The following CSMD1 variants were observed in gnomAD, a reference collection of about 807,000 sequenced individuals.
The protein encoded by CSMD1 is CUB and Sushi multiple domains 1.
CSMD1 carries 213 observed loss-of-function variants against 417.5 expected under a neutral mutation model. The ratio of observed to expected loss-of-function variants is 0.51; its 90% CI spans 0.46 to 0.57. The LOEUF is 0.57. Among genes scored for constraint, CSMD1 ranks in the 20% least tolerant of loss-of-function variants. CSMD1 has a pLI of 0.00. For synonymous variants in CSMD1, 2,862 were observed against 1,736.8 expected (o/e 1.65, Z -16.11); for missense variants, 6,923 against 4,529.7 (o/e 1.53, Z -15.17).
intron 1 of CSMD1, among the ~76,000 whole-genome samples, chr8:4,813,417 G>C (rs1486808493): frequency 6.6e-6 from 1 of 152,096 alleles, no homozygotes; most frequent in Non-Finnish European, 1.5e-5. Context: ...ATGGAACTCA[G>C]CCTACCAGTC....
rs144417521 is a variant in CSMD1 at position 3,443,499 on chromosome 8, C to T, written c.1561+25213G>A. On this transcript the variant is annotated intron_variant, in intron 12 of 69. Transcript: ENST00000635120. ...ATATAGAGATATCTACATATGTGTG[C>T]GTCTGTTTCTTAAAAGCAAGAATGA... 4.4e-3 allele frequency among the ~76,000 whole-genome samples: 677 copies of T among 152,242 alleles called. 2 individuals carry two copies. Among genetic ancestry groups the T allele is most frequent in the Middle Eastern group, 0.034 (10 of 294 alleles).
chr8:3,754,750 C>T lies in CSMD1; in HGVS notation c.819-708G>A, dbSNP rs13254316. On this transcript the variant is annotated intron_variant, in intron 5 of 69. Coordinates refer to ENST00000635120, the MANE Select transcript of CSMD1 (RefSeq NM_033225.6). ...GATTACAAGCGTGAGCCACGGCGCC[C>T]GGCCACAAGACTTACGAATTCTATG... Among the ~76,000 whole-genome samples the T allele has an allele frequency of 4.6e-3, 705 of 152,310 alleles. 3 individuals carry two copies. The highest frequency in any genetic ancestry group is 0.024 in the Middle Eastern group (7 of 294).
At chr8:3,806,459 A>G (rs187849768) in intron 5 of CSMD1, among the ~76,000 whole-genome samples, 174 of 152,342 alleles carry the variant, frequency 1.1e-3, no homozygotes, top group African/African-American at 4.0e-3. Flanking sequence ...GGCAATTTGA[A>G]GCTATCAGCT....
At chr8:3,224,848 G>A (rs1475666099) in intron 27 of CSMD1, among the ~76,000 whole-genome samples, 1 of 152,186 alleles carries the variant, frequency 6.6e-6, no homozygotes, top group African/African-American at 2.4e-5. Context: ...CACGGAAGGT[G>A]TGAAAACACT....
chr8:4,124,937 C>T (rs1241802933), intron 3 of CSMD1, among the ~76,000 whole-genome samples: 1 of 152,156 alleles, frequency 6.6e-6, no homozygotes, highest in East Asian at 1.9e-4. Flanking sequence ...GAAACAGCAA[C>T]TCTTCCGGGT....
intron 11 of CSMD1, among the ~76,000 whole-genome samples, chr8:3,488,697 C>A (rs73174891): frequency 0.079 from 12,064 of 152,132 alleles, 576 homozygotes; most frequent in African/African-American, 0.14. Flanking sequence ...CAAGCAAGAA[C>A]GCTTCCAGAT....
chr8:4,583,180 G>C (rs1799522102), intron 2 of CSMD1, among the ~76,000 whole-genome samples: 1 of 152,144 alleles, frequency 6.6e-6, no homozygotes, highest in African/African-American at 2.4e-5. Flanking sequence ...ACGGCACCCA[G>C]TCCCATCCAC....
At chr8:3,169,805 G>A (rs1345676323) in intron 37 of CSMD1, among the ~76,000 whole-genome samples, 1 of 152,048 alleles carries the variant, frequency 6.6e-6, no homozygotes, top group East Asian at 1.9e-4. Flanking sequence ...CTAATTCCAA[G>A]TACCCCCCAC....
At chr8:4,194,782 A>G (rs1040937981) in intron 3 of CSMD1, among the ~76,000 whole-genome samples, 14 of 152,072 alleles carry the variant, frequency 9.2e-5, no homozygotes, top group African/African-American at 2.9e-4. Context: ...AACATTCACA[A>G]CCTTCATGAG....
Position 4,598,697 on chromosome 8 carries a change from G to A in CSMD1, c.302+38645C>T, listed in dbSNP as rs549190778. ...AAATATTTACACTCGTTGACAATAA[G>A]CATTAATTAGTGCCAGTGTGGGTAC... On this transcript the variant is annotated intron_variant, in intron 2 of 69. Transcript: ENST00000635120. Among the ~76,000 whole-genome samples the A allele has an allele frequency of 7.2e-5, 11 of 152,234 alleles. No homozygotes were observed. In the East Asian group the frequency reaches 1.7e-3, roughly 24 times the overall value.
intron 12 of CSMD1, among the ~76,000 whole-genome samples, chr8:3,454,452 G>C (rs548389177): frequency 1.3e-5 from 2 of 152,254 alleles, no homozygotes; most frequent in South Asian, 4.1e-4. Flanking sequence ...GGCTGGTACC[G>C]GTTGTTCCTT....
intron 6 of CSMD1, among the ~76,000 whole-genome samples, chr8:3,723,442 G>A (rs540650914): frequency 4.5e-4 from 69 of 152,266 alleles, no homozygotes; most frequent in African/African-American, 1.4e-3. Flanking sequence ...CATTATCCAA[G>A]AGCATAGATC....
intron 23 of CSMD1, among the ~76,000 whole-genome samples, chr8:3,313,588 C>G (rs1163462713): frequency 6.6e-6 from 1 of 152,052 alleles, no homozygotes; most frequent in East Asian, 1.9e-4. Context: ...GTTAGAATGG[C>G]AAGCAATCAA....
At chr8:3,907,896 G>A (rs1286551055) in intron 5 of CSMD1, among the ~76,000 whole-genome samples, 1 of 152,166 alleles carries the variant, frequency 6.6e-6, no homozygotes, top group East Asian at 1.9e-4. Flanking sequence ...GAATATTTCA[G>A]GGATTCTTGT....
intron 1 of CSMD1, among the ~76,000 whole-genome samples, chr8:4,651,679 T>C (rs772572931): frequency 2.6e-5 from 4 of 152,230 alleles, no homozygotes; most frequent in Non-Finnish European, 2.9e-5. Context: ...GCCAGGTATA[T>C]GATGATATTC....
At chr8:4,795,589 T>C (rs908398081) in intron 1 of CSMD1, among the ~76,000 whole-genome samples, 1 of 152,044 alleles carries the variant, frequency 6.6e-6, no homozygotes, top group African/African-American at 2.4e-5. Context: ...TTTCAAATTT[T>C]CTGTTTTTTC....
intron 7 of CSMD1, among the ~76,000 whole-genome samples, chr8:3,639,700 AC>A (rs1330069171): frequency 6.6e-6 from 1 of 152,224 alleles, no homozygotes; most frequent in African/African-American, 2.4e-5. Flanking sequence ...CACTACGTAA[AC>A]ATCAACATCT....
intron 1 of CSMD1, among the ~76,000 whole-genome samples, chr8:4,899,661 G>C (rs192739537): frequency 6.6e-6 from 1 of 152,228 alleles, no homozygotes; most frequent in African/African-American, 2.4e-5. Context: ...AATATAAGAT[G>C]ACCATGTCTT....
chr8:3,596,140 G>A (rs769665762), intron 8 of CSMD1, among the ~76,000 whole-genome samples: 4 of 152,174 alleles, frequency 2.6e-5, no homozygotes, highest in Non-Finnish European at 5.9e-5. Flanking sequence ...CTCGAGGGAG[G>A]AAACAGTGAG....
Sources: gnomAD v4.1 joint callset for allele counts (sites outside exome capture counted in the v4.1 genomes callset) on GRCh38, gnomAD v4.1.1 for gene constraint, MANE v1.5 for transcripts, NCBI Gene and HGNC (gene_info 2026-07-23, HGNC 2026-07-21) for gene names.